LASP1: variants seen among roughly 807,000 people sequenced by gnomAD.
LASP1 encodes the protein LIM and SH3 protein 1, also known as LIM and SH3 domain protein 1.
LASP1 carries 10 observed loss-of-function variants against 38.6 expected under a neutral mutation model. That is an observed-to-expected ratio of 0.26 (90% CI 0.16 to 0.44). LASP1 has a LOEUF of 0.44. Ranked by LOEUF, LASP1 falls within the 20% of genes least tolerant of loss-of-function variation. The probability of loss-of-function intolerance (pLI) is 1.00; values close to 1 mark genes in which losing one functional copy is unlikely to be tolerated. For synonymous variants in LASP1, 132 were observed against 140.8 expected, an observed-to-expected ratio of 0.94 and a Z score of 0.44; for missense variants, 243 against 375.7, an observed-to-expected ratio of 0.65 and a Z score of 2.92.
intron 2 of LASP1, 138 bp from the exon 3 acceptor site, chr17:38,890,282 T>C: frequency 2.8e-6 from 2 of 702,174 alleles, no homozygotes; most frequent in Non-Finnish European, 4.9e-6. Flanking sequence ...TGGTGGACAC[T>C]GAAGTCCTCC....
chr17:38,875,380 G>A (rs997762781), intron 1 of LASP1, among the ~76,000 whole-genome samples: 8 of 152,048 alleles, frequency 5.3e-5, no homozygotes, highest in African/African-American at 1.4e-4. Context: ...TCAGGGGCCT[G>A]TGGGGGCAGG....
chr17:38,914,537 C>A, intron 5 of LASP1, 62 bp downstream of exon 5: 6 of 1,520,558 alleles, frequency 3.9e-6, no homozygotes, highest in Non-Finnish European at 5.3e-6. Context: ...GGGGAGGAAG[C>A]CAGGAGAAGA....
At chr17:38,875,227 T>G (rs896106170) in intron 1 of LASP1, among the ~76,000 whole-genome samples, 1 of 151,720 alleles carries the variant, frequency 6.6e-6, no homozygotes, top group Admixed American at 6.6e-5. Context: ...GCAGACTGGG[T>G]GGTGACCAGG....
At chr17:38,913,380 C>T (rs1425023868) in intron 4 of LASP1, among the ~76,000 whole-genome samples, 1 of 152,208 alleles carries the variant, frequency 6.6e-6, no homozygotes, top group African/African-American at 2.4e-5. Flanking sequence ...TCCCTAAAGG[C>T]TGGGATTCTC....
chr17:38,918,593 C>G lies in LASP1; in HGVS notation c.613-12C>G, dbSNP rs376850603. 1 of 1,576,888 alleles carries G rather than the reference C, an allele frequency of 6.3e-7. No homozygotes were observed. Among genetic ancestry groups the G allele is most frequent in the Non-Finnish European group, 8.7e-7 (1 of 1,155,206 alleles). The stretch of plus-strand genomic sequence containing the variant: ...CATGCAGGGCCCTAGGCTGACCACA[C>G]TTCCCCCACAGAAGCGGTACCGCGC... On this transcript the variant is annotated splice_polypyrimidine_tract_variant and intron_variant, in intron 6 of 6. Coordinates refer to ENST00000318008, the MANE Select transcript of LASP1 (RefSeq NM_006148.4). This position sits in a 1 kb window ranked among gnomAD's most constrained non-coding sequence, Gnocchi z 4.4.
In LASP1 at chr17:38,918,876, C is replaced by A; in HGVS notation, c.*98C>A. The A allele has an allele frequency of 7.4e-7, 1 of 1,349,920 alleles. No individual in the cohort carries two copies. Among genetic ancestry groups the A allele is most frequent in the Non-Finnish European group, 1.0e-6 (1 of 983,136 alleles). The allele number at this position is 1,349,920 out of a possible 1,614,324, so 83.6% of individuals were successfully genotyped here. ...CTTCAGTGTCTCTGTTTTTTAAAACCTGCGACAGCTTGTGATTCCTACCCC... is the reference window on the plus strand; with the variant it reads ...CTTCAGTGTCTCTGTTTTTTAAAACATGCGACAGCTTGTGATTCCTACCCC... On this transcript the variant is annotated 3_prime_UTR_variant, in exon 7 of 7. Coordinates refer to ENST00000318008, the MANE Select transcript of LASP1 (RefSeq NM_006148.4). This position sits in a 1 kb window ranked among gnomAD's most constrained non-coding sequence, Gnocchi z 4.4.
chr17:38,885,245 C>T (rs1037512468), intron 2 of LASP1, among the ~76,000 whole-genome samples: 4 of 152,196 alleles, frequency 2.6e-5, no homozygotes, highest in African/African-American at 9.7e-5. Flanking sequence ...CTGTCCTTGA[C>T]ACTGGACCTC....
chr17:38,882,465 C>T (rs954714960), intron 2 of LASP1, among the ~76,000 whole-genome samples: 11 of 152,138 alleles, frequency 7.2e-5, no homozygotes, highest in African/African-American at 2.7e-4. Context: ...CCAGGCTGAT[C>T]TGGAACTCTT....
chr17:38,886,919 A>C (rs557423119), intron 2 of LASP1, among the ~76,000 whole-genome samples: 11 of 152,240 alleles, frequency 7.2e-5, no homozygotes, highest in African/African-American at 2.6e-4. Context: ...TTATTTAATA[A>C]AAACAGGCTC....
At chr17:38,876,586 A>C (rs1261884748) in intron 1 of LASP1, among the ~76,000 whole-genome samples, 9 of 148,548 alleles carry the variant, frequency 6.1e-5, no homozygotes, top group Non-Finnish European at 4.5e-5. Context: ...CTGGTCTTGA[A>C]CTCCCAACCT....
intron 4 of LASP1, 188 bp downstream of exon 4, chr17:38,898,707 C>T (rs143184732): frequency 1.3e-4 from 89 of 665,452 alleles, no homozygotes; most frequent in African/African-American, 1.2e-3. Context: ...CCCCAGACCA[C>T]CAGCACGCAT....
At chr17:38,880,227 G>A (rs1913903711) in intron 2 of LASP1, among the ~76,000 whole-genome samples, 1 of 152,262 alleles carries the variant, frequency 6.6e-6, no homozygotes, top group Admixed American at 6.5e-5. Flanking sequence ...GGAGCCCAGT[G>A]ACTCAAGCAG....
chr17:38,897,366 G>C (rs1567700302), intron 3 of LASP1, among the ~76,000 whole-genome samples: 1 of 152,240 alleles, frequency 6.6e-6, no homozygotes, highest in South Asian at 2.1e-4. Context: ...AACTGCCTGG[G>C]TTTGTGTCCT....
chr17:38,874,710 G>A (rs1477331279), intron 1 of LASP1, among the ~76,000 whole-genome samples: 1 of 152,170 alleles, frequency 6.6e-6, no homozygotes, highest in Non-Finnish European at 1.5e-5. Flanking sequence ...CCCTGCAGGG[G>A]GACAGGCGAC....
chr17:38,919,748 C>T lies in LASP1; in HGVS notation c.*970C>T. ...TGTCTCAGAGCCTTCCATGACCTCCCCTCCCCAGCCCAATGCCAAGTGGAC... is the reference window on the plus strand; with the variant it reads ...TGTCTCAGAGCCTTCCATGACCTCCTCTCCCCAGCCCAATGCCAAGTGGAC... On this transcript the variant is annotated 3_prime_UTR_variant, in exon 7 of 7. Transcript: ENST00000318008. 1 of 406,448 alleles carries T rather than the reference C, an allele frequency of 2.5e-6. No individual in the cohort carries two copies. The highest frequency in any genetic ancestry group is 4.1e-5 in the East Asian group (1 of 24,478). The allele number at this position is 406,448 out of a possible 1,614,324, so 25.2% of individuals were successfully genotyped here. A position where few individuals can be genotyped will look rare whatever the true frequency, so the allele number is the denominator to read the frequency against.
At position 38,893,645 on chromosome 17, in the gene LASP1, A is replaced by C. The variant is rs146759799; in HGVS notation, c.249+3141A>C. ...CACCGCCCACCAGCTGTGTGGTCTG[A>C]GACTGGCCTCAGACTGTCTTTCCTC... On this transcript the variant is annotated intron_variant, in intron 3 of 6. Coordinates refer to ENST00000318008, the MANE Select transcript of LASP1 (RefSeq NM_006148.4). 4.3e-3 allele frequency among the ~76,000 whole-genome samples: 654 copies of C among 152,206 alleles called. 4 individuals are homozygous for C. Among genetic ancestry groups the C allele is most frequent in the African/African-American group, 0.015 (622 of 41,520 alleles).
At chr17:38,902,485 C>T (rs1424960371) in intron 4 of LASP1, among the ~76,000 whole-genome samples, 3 of 149,152 alleles carry the variant, frequency 2.0e-5, no homozygotes, top group African/African-American at 7.5e-5. Context: ...GGGACTACTA[C>T]AGGCATGAGC....
At chr17:38,898,980 A>C in intron 4 of LASP1, 2 of 343,592 alleles carry the variant, frequency 5.8e-6, no homozygotes, top group East Asian at 7.6e-5. Context: ...CCTGTGTAAA[A>C]ACCCCAGCCA....
chr17:38,914,834 G>C (rs1915067767), intron 5 of LASP1: 1 of 603,052 alleles, frequency 1.7e-6, no homozygotes, highest in Non-Finnish European at 3.0e-6. Context: ...GGATTGAAAG[G>C]AGAGGCCCCC....
Sources: gnomAD v4.1 joint callset for allele counts (sites outside exome capture counted in the v4.1 genomes callset) on GRCh38, gnomAD v4.1.1 for gene constraint, Gnocchi (gnomAD v3.1) non-coding constraint, MANE v1.5 for transcripts, NCBI Gene and HGNC (gene_info 2026-07-23, HGNC 2026-07-21) for gene names.